INTS12: variants seen among roughly 807,000 people sequenced by gnomAD.
INTS12 encodes the protein PHD finger protein 22.
In INTS12, 13 loss-of-function variants were observed where a neutral mutation model predicts 41.6. That is an observed-to-expected ratio of 0.31 (90% confidence interval 0.20 to 0.50). The LOEUF is 0.50. INTS12 is among the 20% of genes least tolerant of loss of function. The pLI is 0.98. For missense variants in INTS12, 432 were observed against 541.6 expected (o/e 0.80, Z 2.01); for synonymous variants, 199 against 191.4 (o/e 1.04, Z -0.33).
chr4:105,683,330 A>G lies in INTS12; in HGVS notation c.805-13T>C. 2 of 1,569,672 alleles carry G rather than the reference A, an allele frequency of 1.3e-6. No homozygotes were observed. Among genetic ancestry groups the G allele is most frequent in the Non-Finnish European group, 1.7e-6 (2 of 1,154,752 alleles). On this transcript the variant is annotated splice_polypyrimidine_tract_variant and intron_variant, in intron 7 of 7. Coordinates refer to ENST00000340139, the MANE Select transcript of INTS12 (RefSeq NM_020395.4). ...TAACTGTGGATGTCTAAAAAAATAAAGTAAATAATTACATTAGAGCCAAGT... is the reference window on the plus strand; with the variant it reads ...TAACTGTGGATGTCTAAAAAAATAAGGTAAATAATTACATTAGAGCCAAGT...
chr4:105,686,838 C>A lies in INTS12; in HGVS notation c.658G>T (p.Ala220Ser). The change falls in exon 7 of 8, where the codon GCT (alanine) becomes TCT (serine). Residue 220 changes from alanine to serine, a missense_variant and splice_region_variant. Coordinates refer to ENST00000340139, the MANE Select transcript of INTS12 (RefSeq NM_020395.4). ...TGCGGTGGTTTCTGAGTTTTTTGAGCCTGCAAAAATCAGTGGATTAAATCA... is the reference window on the plus strand; with the variant it reads ...TGCGGTGGTTTCTGAGTTTTTTGAGACTGCAAAAATCAGTGGATTAAATCA... ...ARCTRQMKRMAQKTQKPPQKP... is the reference protein window; with the variant it reads ...ARCTRQMKRMSQKTQKPPQKP... 8 of 1,612,904 alleles carry A rather than the reference C, an allele frequency of 5.0e-6. No homozygotes were observed. Among genetic ancestry groups the A allele is most frequent in the Non-Finnish European group, 5.9e-6 (7 of 1,179,486 alleles).
intron 2 of INTS12, chr4:105,702,886 C>A: frequency 2.0e-6 from 2 of 984,012 alleles, no homozygotes; most frequent in South Asian, 9.4e-5. Context: ...TCTATCTTAC[C>A]TTTACTCCCC....
Position 105,682,667 on chromosome 4 carries a change from GATTAT to G in INTS12, c.*61_*65del. On this transcript the variant is annotated 3_prime_UTR_variant, in exon 8 of 8. Coordinates refer to ENST00000340139, the MANE Select transcript of INTS12 (RefSeq NM_020395.4). ...TTTTATTAAATTACAGTGTATTACA[GATTAT>G]ATCATAATAATAAGCCTTTCATCTT... 8.4e-7 allele frequency: 1 copy of G among 1,194,592 alleles called. No individual in the cohort carries two copies. 74.0% of individuals were successfully genotyped at this position (1,194,592 alleles called of 1,614,324 possible).
At chr4:105,702,507 T>C (rs1732122021) in intron 2 of INTS12, among the ~76,000 whole-genome samples, 1 of 152,248 alleles carries the variant, frequency 6.6e-6, no homozygotes, top group Non-Finnish European at 1.5e-5. Context: ...TGTTATATAA[T>C]TGATCTTTAA....
chr4:105,694,104 AT>A (rs1463722588), intron 4 of INTS12, among the ~76,000 whole-genome samples: 1 of 152,176 alleles, frequency 6.6e-6, no homozygotes, highest in Admixed American at 6.5e-5. Flanking sequence ...CTCCATTGTA[AT>A]AGAAACAAAG....
Position 105,686,805 on chromosome 4 carries a change from C to G in INTS12, c.691G>C (p.Ala231Pro). Residue 231 changes from alanine to proline, a missense_variant, in exon 7 of 8, where the codon GCC becomes CCC. Physicochemically the swap from Ala to Pro is conservative, Grantham distance 27. Coordinates refer to ENST00000340139, the MANE Select transcript of INTS12 (RefSeq NM_020395.4). ...QKTQKPPQKP[A>P]PAVVSVTPAV... is the part of the protein sequence containing the mutation. ...GGAGTTACAGAAACAACTGCAGGGG[C>G]TGGTTTCTGCGGTGGTTTCTGAGTT... 6.2e-7 allele frequency: 1 copy of G among 1,613,834 alleles called. No individual in the cohort carries two copies. Among genetic ancestry groups the G allele is most frequent in the Non-Finnish European group, 8.5e-7 (1 of 1,179,932 alleles).
At chr4:105,708,093 T>C (rs1732364487) in intron 1 of INTS12, 1 of 985,468 alleles carries the variant, frequency 1.0e-6, no homozygotes. Flanking sequence ...AACATTATTT[T>C]AAAGATGCTG....
At chr4:105,700,085 G>T in intron 2 of INTS12, 71 bp from the exon 3 acceptor site, 1 of 1,112,234 alleles carries the variant, frequency 9.0e-7, no homozygotes, top group Non-Finnish European at 1.2e-6. Flanking sequence ...TTACTTTTCT[G>T]TTTTTTAATT....
chr4:105,707,316 A>ATT (rs34994709), intron 1 of INTS12, among the ~76,000 whole-genome samples: 83 of 140,722 alleles, frequency 5.9e-4, no homozygotes, highest in Admixed American at 3.4e-3. Flanking sequence ...CCCTTGAAGC[A>ATT]TTTTTTTTTT....
chr4:105,691,374 C>T (rs1032614392), intron 6 of INTS12, among the ~76,000 whole-genome samples: 73 of 151,996 alleles, frequency 4.8e-4, no homozygotes, highest in African/African-American at 1.8e-3. Context: ...GAAAACTATC[C>T]AATATAACAA....
intron 6 of INTS12, among the ~76,000 whole-genome samples, chr4:105,687,344 G>C (rs147591408): frequency 6.6e-6 from 1 of 152,206 alleles, no homozygotes; most frequent in African/African-American, 2.4e-5. Context: ...TAAACTTTTT[G>C]AGGTTTTTCC....
chr4:105,708,164 TG>T (rs1181490128), intron 1 of INTS12: 2 of 985,330 alleles, frequency 2.0e-6, no homozygotes, highest in Non-Finnish European at 2.4e-6. Flanking sequence ...TAGGGACACC[TG>T]GAATCGCAGG....
chr4:105,683,489 A>C (rs1731398052), intron 7 of INTS12, among the ~76,000 whole-genome samples, 172 bp from the exon 8 acceptor site: 1 of 152,180 alleles, frequency 6.6e-6, no homozygotes, highest in Non-Finnish European at 1.5e-5. Flanking sequence ...GGGTATTATC[A>C]TTTGCAAAGC....
In INTS12 at chr4:105,693,288, G is replaced by C; in HGVS notation, c.497+11C>G. The stretch of plus-strand genomic sequence containing the variant: ...AAGTAACAAAAGAATCTGTGGCAAG[G>C]TACAACTTACCTACAAACAACGCAG... On this transcript the variant is annotated intron_variant, in intron 5 of 7. Coordinates refer to ENST00000340139, the MANE Select transcript of INTS12 (RefSeq NM_020395.4). 6.4e-7 allele frequency: 1 copy of C among 1,572,536 alleles called. No individual in the cohort carries two copies. The highest frequency in any genetic ancestry group is 8.7e-7 in the Non-Finnish European group (1 of 1,150,980).
At chr4:105,700,091 T>A in intron 2 of INTS12, 77 bp from the exon 3 acceptor site, 3 of 967,030 alleles carry the variant, frequency 3.1e-6, no homozygotes, top group Non-Finnish European at 2.9e-6. Context: ...TTCTGTTTTT[T>A]AATTTGTAAT....
Position 105,703,749 on chromosome 4 carries a change from TC to T in INTS12, c.-112del, listed in dbSNP as rs1379362586. 6.6e-6 allele frequency: 1 copy of T among 152,248 alleles called. No individual in the cohort carries two copies. The highest frequency in any genetic ancestry group is 1.5e-5 in the Non-Finnish European group (1 of 68,042). 9.4% of individuals were successfully genotyped at this position (152,248 alleles called of 1,614,324 possible). On this transcript the variant is annotated 5_prime_UTR_variant, in exon 2 of 8. Coordinates refer to ENST00000340139, the MANE Select transcript of INTS12 (RefSeq NM_020395.4). The stretch of plus-strand genomic sequence containing the variant: ...CTCACTTCCCCACTTTCTGCAAAGA[TC>T]AGTTATACTTCCTCCATTTTCTTTT...
chr4:105,700,407 C>A (rs1017708947), intron 2 of INTS12: 3 of 152,880 alleles, frequency 2.0e-5, no homozygotes, highest in African/African-American at 7.2e-5. Context: ...AACCTTATTT[C>A]CATAACACAA....
chr4:105,686,957 T>C, intron 6 of INTS12, 119 bp from the exon 7 acceptor site: 2 of 829,854 alleles, frequency 2.4e-6, no homozygotes, highest in East Asian at 2.6e-5. Context: ...TAAAAAATAG[T>C]GTGATGATAA....
intron 6 of INTS12, among the ~76,000 whole-genome samples, chr4:105,687,858 CAGG>C (rs1454484665): frequency 6.6e-6 from 1 of 152,096 alleles, no homozygotes; most frequent in African/African-American, 2.4e-5. Flanking sequence ...GAGGTTGAGG[CAGG>C]AGAATTGCTT....
Sources: allele counts gnomAD v4.1 joint callset (sites outside exome capture counted in the v4.1 genomes callset), GRCh38; gene constraint gnomAD v4.1.1; transcripts MANE v1.5; gene names NCBI Gene and HGNC (gene_info 2026-07-23, HGNC 2026-07-21).